The following TENM2 variants were observed in gnomAD, a reference collection of about 807,000 sequenced individuals.
TENM2 encodes teneurin-2.
In TENM2, 52 loss-of-function variants were observed where a neutral mutation model predicts 245.2. The ratio of observed to expected loss-of-function variants is 0.21; its 90% CI spans 0.17 to 0.27. The LOEUF is 0.27. Ranked by LOEUF, TENM2 falls within the 10% of genes least tolerant of loss-of-function variation. The pLI is 1.00. For synonymous variants in TENM2, 1,363 were observed against 1,438.9 expected, an observed-to-expected ratio of 0.95 and a Z score of 1.19; for missense variants, 3,046 against 3,666.8, an observed-to-expected ratio of 0.83 and a Z score of 4.37.
At chr5:167,706,123 C>T (rs1170940092) in intron 2 of TENM2, among the ~76,000 whole-genome samples, 1 of 142,378 alleles carries the variant, frequency 7.0e-6, no homozygotes, top group South Asian at 2.2e-4. Flanking sequence ...TATAATTATA[C>T]CAGTATATAT....
chr5:167,114,924 A>G, the TENM2 span, among the ~76,000 whole-genome samples: 1 of 152,250 alleles, frequency 6.6e-6, no homozygotes, highest in Admixed American at 6.5e-5. Context: ...AGAAGGGGAT[A>G]TGCCTTAGCA....
intron 2 of TENM2, among the ~76,000 whole-genome samples, chr5:167,872,308 AAGAAAGAAAG>A (rs1772908362): frequency 3.3e-5 from 1 of 30,408 alleles, no homozygotes. Flanking sequence ...GAAAGAAAGA[AAGAAAGAAAG>A]AAAGAAAGAA....
chr5:167,497,902 T>C (rs1768922270), intron 2 of TENM2, among the ~76,000 whole-genome samples: 1 of 152,022 alleles, frequency 6.6e-6, no homozygotes, highest in African/African-American at 2.4e-5. Context: ...ATAGCATCTA[T>C]CCTTGTAATA....
the TENM2 span, among the ~76,000 whole-genome samples, chr5:167,068,761 G>GT: frequency 6.6e-6 from 1 of 152,046 alleles, no homozygotes. Context: ...TAGTTGACTG[G>GT]TTTTGGTATA....
chr5:167,384,710 A>G (rs1316329379), intron 2 of TENM2, among the ~76,000 whole-genome samples: 1 of 151,874 alleles, frequency 6.6e-6, no homozygotes, highest in Non-Finnish European at 1.5e-5. Flanking sequence ...GTGCGCGCAC[A>G]CACGCACACA....
intron 1 of TENM2, among the ~76,000 whole-genome samples, chr5:167,334,213 T>A (rs6881538): frequency 0.45 from 68,668 of 151,954 alleles, 16,544 homozygotes; most frequent in Non-Finnish European, 0.55. Flanking sequence ...TAAAGTTCAC[T>A]TAGTTAGGAA....
chr5:167,074,217 G>A, the TENM2 span, among the ~76,000 whole-genome samples: 1 of 152,216 alleles, frequency 6.6e-6, no homozygotes, highest in African/African-American at 2.4e-5. Context: ...AGGATAAGGT[G>A]TAAGAGGAGA....
chr5:167,498,536 C>G (rs1012383560), intron 2 of TENM2, among the ~76,000 whole-genome samples: 1 of 152,102 alleles, frequency 6.6e-6, no homozygotes, highest in Admixed American at 6.6e-5. Flanking sequence ...GACCCTGACC[C>G]TCTGGTCTAA....
At chr5:167,170,810 C>T in the TENM2 span, among the ~76,000 whole-genome samples, 2 of 152,160 alleles carry the variant, frequency 1.3e-5, no homozygotes, top group Admixed American at 6.5e-5. Flanking sequence ...GTGGCCTGAG[C>T]GCAGTTCTCA....
chr5:167,294,682 G>C (rs1439261156), intron 1 of TENM2, among the ~76,000 whole-genome samples: 1 of 151,852 alleles, frequency 6.6e-6, no homozygotes, highest in Non-Finnish European at 1.5e-5. Flanking sequence ...CCCTAGATAG[G>C]TTTTATTTGG....
chr5:168,242,589 A>G (rs926653230), intron 25 of TENM2, among the ~76,000 whole-genome samples: 8 of 152,126 alleles, frequency 5.3e-5, no homozygotes, highest in African/African-American at 1.9e-4. Flanking sequence ...GTGAGCAACA[A>G]CTCAAACAAT....
chr5:167,309,426 A>T (rs1279491862), intron 1 of TENM2, among the ~76,000 whole-genome samples: 1 of 152,180 alleles, frequency 6.6e-6, no homozygotes, highest in Non-Finnish European at 1.5e-5. Context: ...GACTGAACAT[A>T]TTTTCAACGT....
At position 167,830,921 on chromosome 5, in the gene TENM2, T is replaced by A. The variant is rs1269840045; in HGVS notation, c.503-45065T>A. ...CACTTTGAGAACCACTGTTCTAGCT[T>A]CTCAGAGGAAAGAATATAGAAAATG... On this transcript the variant is annotated intron_variant, in intron 2 of 28. Transcript: ENST00000518659. 2.0e-5 allele frequency among the ~76,000 whole-genome samples: 3 copies of A among 152,180 alleles called. No individual in the cohort carries two copies. The South Asian group carries it at 6.2e-4, about 31-fold the overall frequency.
the TENM2 span, among the ~76,000 whole-genome samples, chr5:167,148,874 A>G: frequency 4.6e-5 from 7 of 152,224 alleles, no homozygotes; most frequent in African/African-American, 1.7e-4. Flanking sequence ...AAATGAATTT[A>G]TCCTCTTAAT....
chr5:167,435,493 G>T (rs530874717), intron 2 of TENM2, among the ~76,000 whole-genome samples: 30 of 152,314 alleles, frequency 2.0e-4, no homozygotes, highest in Non-Finnish European at 3.2e-4. Flanking sequence ...CCCCAGCAGT[G>T]TGGAACTGTG....
At chr5:167,553,513 G>C (rs533625539) in intron 2 of TENM2, among the ~76,000 whole-genome samples, 4 of 152,332 alleles carry the variant, frequency 2.6e-5, no homozygotes, top group Non-Finnish European at 4.4e-5. Flanking sequence ...ATGAGACAAG[G>C]AGATGGGAAC....
intron 2 of TENM2, among the ~76,000 whole-genome samples, chr5:167,615,094 A>G (rs1777710393): frequency 6.6e-6 from 1 of 152,192 alleles, no homozygotes; most frequent in Non-Finnish European, 1.5e-5. Flanking sequence ...GACAATATTC[A>G]TAAACATTCC....
intron 2 of TENM2, among the ~76,000 whole-genome samples, chr5:167,623,385 AT>A (rs555288425): frequency 2.6e-5 from 4 of 151,972 alleles, no homozygotes; most frequent in African/African-American, 4.8e-5. Context: ...ACACATAATA[AT>A]TTTTTTTACC....
At position 167,350,902 on chromosome 5, in the gene TENM2, G is replaced by GAT. The variant is rs771190209; in HGVS notation, c.227-24287_227-24286dup. On this transcript the variant is annotated intron_variant, in intron 1 of 28. Transcript: ENST00000518659. ...TATATATATGGGATGTATACATATGGATATATATATGGGATATATACATAT... is the reference window on the plus strand; with the variant it reads ...TATATATATGGGATGTATACATATGGATATATATATATGGGATATATACATAT... 2.5e-4 allele frequency among the ~76,000 whole-genome samples: 19 copies of GAT among 74,688 alleles called. 4 individuals carry two copies. Among genetic ancestry groups the GAT allele is most frequent in the East Asian group, 4.2e-4 (1 of 2,370 alleles). The allele number at this position is 74,688 out of a possible 152,430, so 49.0% of individuals were successfully genotyped here. A position where few individuals can be genotyped will look rare whatever the true frequency, so the allele number is the denominator to read the frequency against.
Sources: gnomAD v4.1 joint callset for allele counts (sites outside exome capture counted in the v4.1 genomes callset) on GRCh38, gnomAD v4.1.1 for gene constraint, MANE v1.5 for transcripts, NCBI Gene and HGNC (gene_info 2026-07-23, HGNC 2026-07-21) for gene names.